CLIC4: variants seen among roughly 807,000 people sequenced by gnomAD.
CLIC4 encodes CLIC family member 4.
Under a neutral mutation model 24.6 loss-of-function variants are expected in CLIC4, and 13 were observed. That is an observed-to-expected ratio of 0.53 (90% CI 0.34 to 0.84). The LOEUF is 0.84. CLIC4 is among the 40% of genes least tolerant of loss of function. CLIC4 has a pLI of 0.01. For synonymous variants in CLIC4, 104 were observed against 111.3 expected, an observed-to-expected ratio of 0.93 and a Z score of 0.41; for missense variants, 227 against 301.7, an observed-to-expected ratio of 0.75 and a Z score of 1.83.
intron 2 of CLIC4, among the ~76,000 whole-genome samples, chr1:24,808,778 G>A (rs554581028): frequency 6.2e-4 from 93 of 151,084 alleles, no homozygotes; most frequent in Admixed American, 1.7e-3. Flanking sequence ...TCGGGTTCAA[G>A]CGATTCTCCT....
intron 4 of CLIC4, 56 bp from the exon 5 acceptor site, chr1:24,839,804 G>A (rs546261258): frequency 4.2e-5 from 61 of 1,457,614 alleles, no homozygotes; most frequent in Admixed American, 6.0e-5. Flanking sequence ...TTCTCCTTGG[G>A]GACTTGAGTG....
intron 1 of CLIC4, among the ~76,000 whole-genome samples, chr1:24,770,483 G>GT (rs559136177): frequency 6.6e-6 from 1 of 152,078 alleles, no homozygotes; most frequent in East Asian, 1.9e-4. Flanking sequence ...TTTTGGATCT[G>GT]TTTTTTCCCC....
chr1:24,820,067 G>GTGTGTGTATATATATATA (rs1212033050), intron 3 of CLIC4, among the ~76,000 whole-genome samples: 16 of 36,480 alleles, frequency 4.4e-4, no homozygotes, highest in Non-Finnish European at 5.7e-4. Context: ...AAAAAAGTAT[G>GTGTGTGTATATATATATA]TATATATATA....
intron 4 of CLIC4, among the ~76,000 whole-genome samples, chr1:24,830,288 G>A (rs776909530): frequency 1.3e-5 from 2 of 151,960 alleles, no homozygotes; most frequent in African/African-American, 2.4e-5. Flanking sequence ...CTGTAAGTAC[G>A]TATTATGTGC....
intron 2 of CLIC4, chr1:24,798,100 TA>T (rs1639424935): frequency 2.9e-6 from 1 of 344,908 alleles, no homozygotes; most frequent in Non-Finnish European, 5.3e-6. Flanking sequence ...CACTAGGAGC[TA>T]AGTGTTAGTG....
chr1:24,782,166 TG>T (rs1353453148), intron 1 of CLIC4, among the ~76,000 whole-genome samples: 8 of 152,220 alleles, frequency 5.3e-5, no homozygotes, highest in Non-Finnish European at 1.0e-4. Flanking sequence ...GAACATCAAA[TG>T]TACTGTTATA....
intron 1 of CLIC4, among the ~76,000 whole-genome samples, chr1:24,777,268 A>G (rs1639152255): frequency 6.6e-6 from 1 of 152,204 alleles, no homozygotes. Context: ...GTTTCAGGCC[A>G]GGCACGGTGG....
In CLIC4 at chr1:24,841,255, C is replaced by T. The variant is rs187534577; in HGVS notation, c.*318C>T. 72 of 193,996 alleles carry T rather than the reference C, an allele frequency of 3.7e-4. 1 individual carries two copies. Among genetic ancestry groups the T allele is most frequent in the South Asian group, 3.8e-4 (2 of 5,332 alleles). The allele number at this position is 193,996 out of a possible 1,614,324, so 12.0% of individuals were successfully genotyped here. On this transcript the variant is annotated 3_prime_UTR_variant, in exon 6 of 6. Coordinates refer to ENST00000374379, the MANE Select transcript of CLIC4 (RefSeq NM_013943.3). The stretch of plus-strand genomic sequence containing the variant: ...GAGCCCTCACCATTGTGTCCATTCA[C>T]TGTGTATAGATGGCAGAACTTTTGA...
chr1:24,813,805 A>G (rs1296345032), intron 2 of CLIC4, among the ~76,000 whole-genome samples: 3 of 151,216 alleles, frequency 2.0e-5, no homozygotes, highest in Admixed American at 6.6e-5. Flanking sequence ...TCCAGCCTCA[A>G]CTTCCCAGGC....
intron 5 of CLIC4, among the ~76,000 whole-genome samples, chr1:24,840,476 G>T (rs1309565132): frequency 6.6e-6 from 1 of 152,174 alleles, no homozygotes; most frequent in African/African-American, 2.4e-5. Context: ...AACAAAAACA[G>T]ATCTAAAATA....
chr1:24,814,332 CTA>C (rs1176999623), intron 3 of CLIC4, 113 bp downstream of exon 3: 6 of 1,213,240 alleles, frequency 4.9e-6, no homozygotes, highest in Non-Finnish European at 7.0e-6. Context: ...GGACTCTCTT[CTA>C]TGTTTCTTAT....
intron 1 of CLIC4, among the ~76,000 whole-genome samples, chr1:24,747,533 C>CAAAAAAAAAA (rs35626709): frequency 4.3e-5 from 4 of 92,626 alleles, no homozygotes; most frequent in Admixed American, 1.4e-4. Context: ...GACTCCATCT[C>CAAAAAAAAAA]AAAAAAAAAA....
intron 1 of CLIC4, among the ~76,000 whole-genome samples, chr1:24,753,333 A>G (rs1247920047): frequency 6.6e-6 from 1 of 152,234 alleles, no homozygotes; most frequent in Non-Finnish European, 1.5e-5. Flanking sequence ...ACTATGGAAG[A>G]TATAAGAAAT....
At chr1:24,795,906 G>A (rs1639393708) in intron 1 of CLIC4, among the ~76,000 whole-genome samples, 1 of 152,114 alleles carries the variant, frequency 6.6e-6, no homozygotes, top group African/African-American at 2.4e-5. Context: ...TTTTGGAGGC[G>A]GGTACACCTA....
Position 24,797,745 on chromosome 1 carries a change from G to A in CLIC4, c.76G>A (p.Gly26Ser). 6.2e-6 allele frequency: 10 copies of A among 1,606,468 alleles called. No individual in the cohort carries two copies. The highest frequency in any genetic ancestry group is 8.5e-6 in the Non-Finnish European group (10 of 1,176,508). ...EPLIELFVKA[G>S]SDGESIGNCP... ...AATGTTTAATTCTGTTTTCCAGGCT[G>A]GCAGTGATGGTGAAAGCATAGGAAA... is the stretch of plus-strand genomic sequence containing the variant. Residue 26 changes from glycine to serine, a missense_variant, in exon 2 of 6, where the codon GGC (glycine) becomes AGC (serine). Coordinates refer to ENST00000374379, the MANE Select transcript of CLIC4 (RefSeq NM_013943.3).
intron 2 of CLIC4, 108 bp downstream of exon 2, chr1:24,797,959 A>C (rs370122228): frequency 1.9e-5 from 15 of 771,906 alleles, no homozygotes; most frequent in South Asian, 1.7e-4. Context: ...ATATTGTATT[A>C]AAGTTCTGCT....
At chr1:24,798,969 T>C (rs898239226) in intron 2 of CLIC4, among the ~76,000 whole-genome samples, 5 of 152,214 alleles carry the variant, frequency 3.3e-5, no homozygotes, top group East Asian at 1.9e-4. Context: ...CAGGCTGGAG[T>C]GCAGTGGCGT....
intron 1 of CLIC4, among the ~76,000 whole-genome samples, chr1:24,791,258 C>T (rs72872464): frequency 0.02 from 3,107 of 152,200 alleles, 100 homozygotes; most frequent in African/African-American, 0.071. Flanking sequence ...ATAGAATAAA[C>T]GTATCCTGGC....
Position 24,841,147 on chromosome 1 carries a change from C to T in CLIC4, c.*210C>T, listed in dbSNP as rs561821985. ...TTAAAATCCTTTACCCTGGCTACCT[C>T]CCCTACCCGGGTTCCCCTCTCTTTA... On this transcript the variant is annotated 3_prime_UTR_variant, in exon 6 of 6. Transcript: ENST00000374379. 1.3e-4 allele frequency: 45 copies of T among 337,398 alleles called. No individual in the cohort carries two copies. The highest frequency in any genetic ancestry group is 8.3e-4 in the African/African-American group (39 of 47,268). 20.9% of individuals were successfully genotyped at this position (337,398 alleles called of 1,614,324 possible).
Sources: gnomAD v4.1 joint callset for allele counts (sites outside exome capture counted in the v4.1 genomes callset) on GRCh38, gnomAD v4.1.1 for gene constraint, MANE v1.5 for transcripts, NCBI Gene and HGNC (gene_info 2026-07-23, HGNC 2026-07-21) for gene names.